Variants in ZNF674 observed in about 807,000 individuals in gnomAD.
The protein encoded by ZNF674 is zinc finger protein 674, also known as zinc finger family member 674.
In ZNF674, 2 loss-of-function variants were observed where a neutral mutation model predicts 7.0. The ratio of observed to expected loss-of-function variants is 0.29; its 90% CI spans 0.12 to 0.90. The LOEUF (loss-of-function observed/expected upper bound fraction) is 0.90. Among genes scored for constraint, ZNF674 ranks in the 40% least tolerant of loss-of-function variants. ZNF674 has a pLI of 0.57. For missense variants in ZNF674, 297 were observed against 415.5 expected, an observed-to-expected ratio of 0.71 and a Z score of 2.48; for synonymous variants, 103 against 145.2, an observed-to-expected ratio of 0.71 and a Z score of 2.09.
Position 46,519,373 on chromosome X carries a change from T to C in ZNF674, c.238+8977A>G, listed in dbSNP as rs1019522825. ...CTGGAATCCCAGCACTTTGGGAGGC[T>C]GAGGCGGGTGGATCACTTGAGGTCA... On this transcript the variant is annotated intron_variant, in intron 5 of 5. Coordinates refer to ENST00000683375, the MANE Select transcript of ZNF674 (RefSeq NM_001190417.2). Among the ~76,000 whole-genome samples, 78 of 109,224 alleles carry C rather than the reference T, an allele frequency of 7.1e-4. 1 individual carries two copies. Among genetic ancestry groups the C allele is most frequent in the African/African-American group, 2.4e-3 (73 of 30,051 alleles). 94.8% of individuals were successfully genotyped at this position (109,224 alleles called of 115,157 possible).
chrX:46,520,260 G>A (rs1941882445), intron 5 of ZNF674, among the ~76,000 whole-genome samples: 1 of 110,719 alleles, frequency 9.0e-6, no homozygotes, highest in South Asian at 3.8e-4. Context: ...ACTTAGCCAG[G>A]TGGTGGCGGG....
At chrX:46,518,887 T>C (rs896096401) in intron 5 of ZNF674, among the ~76,000 whole-genome samples, 3 of 96,820 alleles carry the variant, frequency 3.1e-5, no homozygotes, top group Non-Finnish European at 6.4e-5. Flanking sequence ...CGAGACTCCG[T>C]CTCTAAATAA....
At chrX:46,504,462 C>T (rs1941490383) in intron 5 of ZNF674, among the ~76,000 whole-genome samples, 1 of 110,010 alleles carries the variant, frequency 9.1e-6, no homozygotes, top group Non-Finnish European at 1.9e-5. Flanking sequence ...CCTGCCTCAG[C>T]CCCCTGAGTA....
chrX:46,543,117 A>T (rs1942321743), intron 2 of ZNF674, among the ~76,000 whole-genome samples: 1 of 110,521 alleles, frequency 9.0e-6, no homozygotes, highest in African/African-American at 3.3e-5. Flanking sequence ...TGCCCAGCTA[A>T]TTATTTTTGT....
chrX:46,521,906 T>A (rs28454443), intron 5 of ZNF674, among the ~76,000 whole-genome samples: 28,368 of 105,000 alleles, frequency 0.27, 3,070 homozygotes, highest in Middle Eastern at 0.38. Context: ...AAGAAAAGAA[T>A]AGAATAGAAT....
intron 5 of ZNF674, among the ~76,000 whole-genome samples, chrX:46,508,787 A>G: frequency 9.0e-6 from 1 of 111,274 alleles, no homozygotes; most frequent in Non-Finnish European, 1.9e-5. Flanking sequence ...GTGTATAAGA[A>G]TGCTTGTGAT....
intron 5 of ZNF674, 160 bp downstream of exon 5, chrX:46,528,190 A>G (rs761262423): frequency 9.1e-5 from 51 of 558,578 alleles, no homozygotes; most frequent in Non-Finnish European, 1.4e-4. Flanking sequence ...GCCAGGCAGA[A>G]GCCTCATTTG....
At position 46,533,527 on chromosome X, in the gene ZNF674, C is replaced by T. The variant is rs773321190; in HGVS notation, c.16-4618G>A. Among the ~76,000 whole-genome samples the T allele has an allele frequency of 5.5e-5, 6 of 109,538 alleles. No homozygotes were observed. In the East Asian group the frequency reaches 1.4e-3, roughly 26 times the overall value. ...CTGAAATCCCAGCACTTTGGGAGTC[C>T]GAGGCGAGTGGATCACTTGAGGTCA... On this transcript the variant is annotated intron_variant, in intron 3 of 5. Coordinates refer to ENST00000683375, the MANE Select transcript of ZNF674 (RefSeq NM_001190417.2).
intron 3 of ZNF674, among the ~76,000 whole-genome samples, chrX:46,534,223 G>A (rs1190806259): frequency 9.0e-6 from 1 of 110,626 alleles, no homozygotes; most frequent in Admixed American, 9.7e-5. Flanking sequence ...GACACGTGGG[G>A]ATTACAATTC....
intron 3 of ZNF674, among the ~76,000 whole-genome samples, chrX:46,533,829 A>AAAAT (rs1415090691): frequency 1.6e-3 from 102 of 65,513 alleles, no homozygotes; most frequent in East Asian, 5.8e-3. Context: ...AAAAAAAAAA[A>AAAAT]ATATATATAT....
chrX:46,501,007 T>A lies in ZNF674; in HGVS notation c.567A>T (p.Arg189Ser). The A allele has an allele frequency of 8.3e-7, 1 of 1,202,889 alleles. No homozygotes were observed. ...TCCCTCGTTGATTAGGGTCAAAAAA[T>A]CTCTCTGCAGGTTGAGCTTTATGAA... ...YNLHKAQPAE[R>S]FFDPNQRGKA... The change falls in exon 6 of 6, where the codon AGA becomes AGT. Residue 189 changes from arginine to serine, a missense_variant. Arg to Ser is a moderately radical substitution (Grantham distance 110). Transcript: ENST00000683375.
intron 3 of ZNF674, among the ~76,000 whole-genome samples, chrX:46,538,592 TA>T (rs950804439): frequency 9.0e-6 from 1 of 110,966 alleles, no homozygotes; most frequent in Admixed American, 9.7e-5. Flanking sequence ...AAATGATGGT[TA>T]AAAAAAATGA....
chrX:46,524,007 A>G (rs1395783332), intron 5 of ZNF674, among the ~76,000 whole-genome samples: 1 of 107,527 alleles, frequency 9.3e-6, no homozygotes, highest in Non-Finnish European at 1.9e-5. Flanking sequence ...GTGCCATTGC[A>G]CTCCAGCCTG....
Position 46,501,258 on chromosome X carries a change from C to G in ZNF674, c.316G>C (p.Gly106Arg). 8.3e-7 allele frequency: 1 copy of G among 1,211,208 alleles called. No individual in the cohort carries two copies. Among genetic ancestry groups the G allele is most frequent in the Non-Finnish European group, 1.1e-6 (1 of 895,046 alleles). ...DKFLWQAAFI[G>R]KETLKDESGQ... Reference sequence around the variant, plus strand: ...CTTTCATCCTTCAGTGTTTCCTTGCCTATGAATGCAGCTTGCCACAGAAAT... The same window carrying G: ...CTTTCATCCTTCAGTGTTTCCTTGCGTATGAATGCAGCTTGCCACAGAAAT... Residue 106 changes from glycine (G) to arginine (R), a missense_variant, in exon 6 of 6, where the codon GGC (glycine) becomes CGC (arginine). Gly to Arg is a moderately radical substitution (Grantham distance 125). Transcript: ENST00000683375.
At chrX:46,539,742 C>G (rs1338563229) in intron 3 of ZNF674, among the ~76,000 whole-genome samples, 2 of 112,366 alleles carry the variant, frequency 1.8e-5, no homozygotes, top group Non-Finnish European at 3.8e-5. Context: ...GCTACACATA[C>G]AATGCACAAG....
intron 3 of ZNF674, among the ~76,000 whole-genome samples, chrX:46,532,942 C>T (rs1225639339): frequency 2.7e-5 from 3 of 111,834 alleles, no homozygotes; most frequent in Non-Finnish European, 3.8e-5. Context: ...CATCCTGGGC[C>T]GCATGTGGCT....
rs1297307723 is a variant in ZNF674 at position 46,529,232 on chromosome X, G to C, written c.16-323C>G. ...TCAGTTTGGCATAGCATATTACATA[G>C]AGTATATGACTAAAATCATTTTGAA... On this transcript the variant is annotated intron_variant, in intron 3 of 5. Transcript: ENST00000683375. The C allele has an allele frequency of 1.2e-4, 37 of 297,295 alleles. No homozygotes were observed. The East Asian group carries it at 2.2e-3, about 18-fold the overall frequency. 24.5% of individuals were successfully genotyped at this position (297,295 alleles called of 1,213,427 possible). A position where few individuals can be genotyped will look rare whatever the true frequency, so the allele number is the denominator to read the frequency against.
intron 5 of ZNF674, chrX:46,523,105 G>A (rs1252688135): frequency 7.9e-6 from 2 of 251,890 alleles, no homozygotes; most frequent in African/African-American, 3.0e-5. Flanking sequence ...GCAAGATATA[G>A]TAATCAATAA....
In ZNF674 at chrX:46,519,324, T is replaced by TAGGC. The variant is rs1556015505; in HGVS notation, c.238+9022_238+9025dup. Reference sequence around the variant, plus strand: ...ATAGATAGATAGATAGATAGATAGATAGGCCAGGTGTGGTGGCTCATGCCT... The same window carrying TAGGC: ...ATAGATAGATAGATAGATAGATAGATAGGCAGGCCAGGTGTGGTGGCTCATGCCT... On this transcript the variant is annotated intron_variant, in intron 5 of 5. Transcript: ENST00000683375. 2.2e-3 allele frequency among the ~76,000 whole-genome samples: 229 copies of TAGGC among 106,435 alleles called. 1 individual carries two copies. Among genetic ancestry groups the TAGGC allele is most frequent in the African/African-American group, 7.4e-3 (213 of 28,781 alleles). The allele number at this position is 106,435 out of a possible 115,157, so 92.4% of individuals were successfully genotyped here. A position where few individuals can be genotyped will look rare whatever the true frequency, so the allele number is the denominator to read the frequency against.
Sources: gnomAD v4.1 joint callset for allele counts (sites outside exome capture counted in the v4.1 genomes callset) on GRCh38, gnomAD v4.1.1 for gene constraint, MANE v1.5 for transcripts, NCBI Gene and HGNC (gene_info 2026-07-23, HGNC 2026-07-21) for gene names.